The following SLC1A1 variants were observed in gnomAD, a reference collection of about 807,000 sequenced individuals.
The protein encoded by SLC1A1 is solute carrier family 1 member 1, also known as excitatory amino acid transporter 3.
In SLC1A1, 43 loss-of-function variants were observed where a neutral mutation model predicts 53.3. That is an observed-to-expected ratio of 0.81 (90% confidence interval 0.63 to 1.04). The LOEUF (loss-of-function observed/expected upper bound fraction) is 1.04, where lower values mean the gene tolerates loss of function less well. Ranked by LOEUF, SLC1A1 falls within the 50% of genes least tolerant of loss-of-function variation. SLC1A1 has a pLI of 0.00. For synonymous variants in SLC1A1, 307 were observed against 243.2 expected (o/e 1.26, Z -2.44); for missense variants, 748 against 664.9 (o/e 1.12, Z -1.37).
At chr9:4,582,982 G>T in intron 10 of SLC1A1, 56 bp from the exon 11 acceptor site, 1 of 1,611,270 alleles carries the variant, frequency 6.2e-7, no homozygotes, top group Non-Finnish European at 8.5e-7. Context: ...TTCAGGCCAG[G>T]GCTTTAACGG....
At chr9:4,537,220 G>A (rs991709948) in intron 1 of SLC1A1, among the ~76,000 whole-genome samples, 5 of 152,088 alleles carry the variant, frequency 3.3e-5, no homozygotes, top group African/African-American at 9.7e-5. Context: ...GTTTAATGTG[G>A]GGGAAATGCT....
intron 1 of SLC1A1, among the ~76,000 whole-genome samples, chr9:4,540,273 G>C (rs1203184414): frequency 2.0e-5 from 3 of 152,070 alleles, no homozygotes; most frequent in Non-Finnish European, 4.4e-5. Context: ...TCCATTGAAA[G>C]CCATGTTCAT....
At chr9:4,494,802 G>A (rs1820357323) in intron 1 of SLC1A1, among the ~76,000 whole-genome samples, 1 of 152,072 alleles carries the variant, frequency 6.6e-6, no homozygotes, top group South Asian at 2.1e-4. Flanking sequence ...AGTATATGAT[G>A]TTGTTAAGGC....
chr9:4,573,107 C>T (rs1164507718), intron 7 of SLC1A1, among the ~76,000 whole-genome samples: 2 of 152,222 alleles, frequency 1.3e-5, no homozygotes, highest in African/African-American at 2.4e-5. Flanking sequence ...TGGGCACTAA[C>T]CCATCTGAAT....
At position 4,583,930 on chromosome 9, in the gene SLC1A1, C is replaced by T. The variant is rs985198859; in HGVS notation, c.1328+758C>T. 1.3e-5 allele frequency among the ~76,000 whole-genome samples: 2 copies of T among 149,216 alleles called. No individual in the cohort carries two copies. The highest frequency in any genetic ancestry group is 6.7e-5 in the Admixed American group (1 of 14,878). On this transcript the variant is annotated intron_variant, in intron 11 of 11. Transcript: ENST00000262352. The surrounding 1 kb of genome is among the most constrained non-coding windows in gnomAD (Gnocchi z 4.6). ...CACACACATATGGAATACAGCAGAACATCTGGGTGAGAAAGTACCTTCAGT... is the reference window on the plus strand; with the variant it reads ...CACACACATATGGAATACAGCAGAATATCTGGGTGAGAAAGTACCTTCAGT...
chr9:4,540,641 T>C (rs1333215520), intron 1 of SLC1A1, among the ~76,000 whole-genome samples: 1 of 152,192 alleles, frequency 6.6e-6, no homozygotes, highest in African/African-American at 2.4e-5. Context: ...TGCTCACCTG[T>C]GGACTCCCTT....
At chr9:4,575,284 T>C (rs7042333) in intron 8 of SLC1A1, among the ~76,000 whole-genome samples, 60,841 of 152,072 alleles carry the variant, frequency 0.4, 12,492 homozygotes, top group Middle Eastern at 0.5. Flanking sequence ...TATCTATCTG[T>C]GAAATGAGTC....
At chr9:4,578,261 G>C (rs760362465) in intron 10 of SLC1A1, among the ~76,000 whole-genome samples, 38 of 152,320 alleles carry the variant, frequency 2.5e-4, no homozygotes, top group Middle Eastern at 6.8e-3. Context: ...GATTAGCTGT[G>C]ATCTTGGGCA....
chr9:4,496,421 T>C (rs150161390), intron 1 of SLC1A1, among the ~76,000 whole-genome samples: 22 of 152,204 alleles, frequency 1.4e-4, no homozygotes, highest in African/African-American at 5.1e-4. Flanking sequence ...GGTCTCGTTT[T>C]GTTGCCCAGG....
Position 4,583,143 on chromosome 9 carries a change from C to T in SLC1A1, c.1299C>T (p.Val433=), listed in dbSNP as rs749014884. The T allele has an allele frequency of 8.1e-6, 13 of 1,614,112 alleles. No homozygotes were observed. The highest frequency in any genetic ancestry group is 1.0e-5 in the Non-Finnish European group (12 of 1,180,056). Reference sequence around the variant, plus strand: ...CCGTGGGCCTGCCCGCCGAGGATGTCACCCTGATCATTGCTGTCGACTGGC... The same window carrying T: ...CCGTGGGCCTGCCCGCCGAGGATGTTACCCTGATCATTGCTGTCGACTGGC... ...LSAVGLPAED[V]TLIIAVDWLL... Residue 433 remains valine (V), a synonymous_variant, in exon 11 of 12, where the codon GTC becomes GTT. Coordinates refer to ENST00000262352, the MANE Select transcript of SLC1A1 (RefSeq NM_004170.6). The surrounding 1 kb of genome is among the most constrained non-coding windows in gnomAD (Gnocchi z 4.6).
intron 10 of SLC1A1, among the ~76,000 whole-genome samples, chr9:4,579,540 T>TA: frequency 6.6e-6 from 1 of 152,218 alleles, no homozygotes; most frequent in Non-Finnish European, 1.5e-5. Context: ...AGAAGCTAAA[T>TA]AGTCAATTCT....
intron 1 of SLC1A1, among the ~76,000 whole-genome samples, chr9:4,529,430 T>C (rs1205399077): frequency 1.3e-5 from 2 of 152,154 alleles, no homozygotes. Context: ...CAGACAAATG[T>C]CTCTACTCTT....
chr9:4,576,905 G>T (rs1032767607), intron 10 of SLC1A1, 142 bp downstream of exon 10: 7 of 808,680 alleles, frequency 8.7e-6, no homozygotes, highest in Non-Finnish European at 1.2e-5. Flanking sequence ...GATTAAATAC[G>T]ACTATATCCT....
intron 1 of SLC1A1, among the ~76,000 whole-genome samples, chr9:4,496,881 G>A (rs1056949577): frequency 6.6e-6 from 1 of 152,172 alleles, no homozygotes; most frequent in Non-Finnish European, 1.5e-5. Flanking sequence ...TGAGGTGACA[G>A]TGCAAGATCC....
chr9:4,519,675 CTCT>C (rs1815997364), intron 1 of SLC1A1, among the ~76,000 whole-genome samples: 1 of 152,188 alleles, frequency 6.6e-6, no homozygotes, highest in South Asian at 2.1e-4. Context: ...GACATAGGTA[CTCT>C]TCTCATTTCT....
chr9:4,565,219 A>C (rs1819367623), intron 4 of SLC1A1, among the ~76,000 whole-genome samples: 1 of 152,218 alleles, frequency 6.6e-6, no homozygotes, highest in Non-Finnish European at 1.5e-5. Context: ...ATTTTATAGA[A>C]ACCATACCTT....
chr9:4,548,910 AG>A (rs1817701009), intron 2 of SLC1A1, among the ~76,000 whole-genome samples: 1 of 152,220 alleles, frequency 6.6e-6, no homozygotes, highest in Non-Finnish European at 1.5e-5. Context: ...CGCCCTGCTG[AG>A]GAATATCTGT....
At chr9:4,490,872 A>G in intron 1 of SLC1A1, 102 bp downstream of exon 1, 1 of 1,008,412 alleles carries the variant, frequency 9.9e-7, no homozygotes, top group African/African-American at 1.6e-5. Flanking sequence ...CACTCCATGC[A>G]GGGTCCCTCG....
At chr9:4,521,164 G>C (rs944474649) in intron 1 of SLC1A1, among the ~76,000 whole-genome samples, 1 of 152,058 alleles carries the variant, frequency 6.6e-6, no homozygotes, top group Admixed American at 6.6e-5. Flanking sequence ...ATGTATTCTA[G>C]ACCCTTACCA....
Sources: gnomAD v4.1 joint callset for allele counts (sites outside exome capture counted in the v4.1 genomes callset) on GRCh38, gnomAD v4.1.1 for gene constraint, Gnocchi (gnomAD v3.1) non-coding constraint, MANE v1.5 for transcripts, NCBI Gene and HGNC (gene_info 2026-07-23, HGNC 2026-07-21) for gene names.